Variants in OPCML observed in about 807,000 individuals in gnomAD.
OPCML encodes opioid binding protein/cell adhesion molecule like, also known as opioid-binding protein/cell adhesion molecule.
In OPCML, 13 loss-of-function variants were observed where a neutral mutation model predicts 37.8. That is an observed-to-expected ratio of 0.34 (90% CI 0.22 to 0.55). OPCML has a LOEUF of 0.55. Ranked by LOEUF, OPCML falls within the 20% of genes least tolerant of loss-of-function variation. The pLI is 0.91. For missense variants in OPCML, 341 were observed against 435.6 expected, an observed-to-expected ratio of 0.78 and a Z score of 1.93; for synonymous variants, 176 against 168.8, an observed-to-expected ratio of 1.04 and a Z score of -0.33.
intron 1 of OPCML, among the ~76,000 whole-genome samples, chr11:133,377,608 T>G (rs1475108411): frequency 4.8e-5 from 1 of 20,738 alleles, no homozygotes; most frequent in Non-Finnish European, 8.5e-5. Context: ...CGTGCCAGTA[T>G]TCAGAAAAAA....
intron 1 of OPCML, among the ~76,000 whole-genome samples, chr11:133,271,771 GCA>G (rs1941843442): frequency 1.3e-5 from 2 of 152,154 alleles, no homozygotes; most frequent in Non-Finnish European, 2.9e-5. Flanking sequence ...GCATAAAATT[GCA>G]CAGATAGGCA....
chr11:132,702,039 A>C (rs1251914735), intron 2 of OPCML, among the ~76,000 whole-genome samples: 1 of 152,204 alleles, frequency 6.6e-6, no homozygotes, highest in Non-Finnish European at 1.5e-5. Context: ...TATTATGGCT[A>C]TAATTATTTT....
chr11:133,442,761 G>GTGTC (rs1206592964), intron 1 of OPCML, among the ~76,000 whole-genome samples: 7 of 151,568 alleles, frequency 4.6e-5, no homozygotes, highest in Non-Finnish European at 1.0e-4. Flanking sequence ...GTGTGTGTGT[G>GTGTC]TGTGTCTTTT....
chr11:133,236,978 T>C (rs930607271), intron 1 of OPCML, among the ~76,000 whole-genome samples: 2 of 152,206 alleles, frequency 1.3e-5, no homozygotes, highest in East Asian at 1.9e-4. Context: ...GTACCCTTCC[T>C]GCAGGAAGTA....
chr11:132,929,261 T>C (rs1252281472), intron 2 of OPCML, among the ~76,000 whole-genome samples: 2 of 152,016 alleles, frequency 1.3e-5, no homozygotes, highest in Non-Finnish European at 2.9e-5. Context: ...AAAAAGGTCA[T>C]GGTATAACTA....
intron 1 of OPCML, among the ~76,000 whole-genome samples, chr11:133,162,075 A>G (rs1365050539): frequency 6.8e-6 from 1 of 147,482 alleles, no homozygotes; most frequent in African/African-American, 2.5e-5. Flanking sequence ...AAGGAGGGAC[A>G]GGGATTTTCT....
chr11:133,459,952 G>A (rs1196677099), intron 1 of OPCML, among the ~76,000 whole-genome samples: 1 of 151,960 alleles, frequency 6.6e-6, no homozygotes, highest in Non-Finnish European at 1.5e-5. Flanking sequence ...CACTCTTCAT[G>A]ATAACTCATG....
intron 1 of OPCML, among the ~76,000 whole-genome samples, chr11:132,981,687 C>T (rs1437593377): frequency 6.6e-6 from 1 of 152,182 alleles, no homozygotes; most frequent in Non-Finnish European, 1.5e-5. Context: ...CATCTTGGCT[C>T]ACATGGTGAT....
intron 2 of OPCML, among the ~76,000 whole-genome samples, chr11:132,834,217 C>T (rs1239110451): frequency 3.3e-5 from 5 of 152,104 alleles, no homozygotes; most frequent in African/African-American, 4.8e-5. Context: ...AGCCAAAATA[C>T]CTTTAAGGAC....
At chr11:132,937,668 G>T (rs1296537687) in intron 2 of OPCML, among the ~76,000 whole-genome samples, 1 of 150,708 alleles carries the variant, frequency 6.6e-6, no homozygotes. Context: ...CACCAATCAG[G>T]GATGTCAGAG....
At chr11:133,380,264 G>C (rs1462407342) in intron 1 of OPCML, among the ~76,000 whole-genome samples, 1 of 152,084 alleles carries the variant, frequency 6.6e-6, no homozygotes, top group Admixed American at 6.5e-5. Context: ...AGACCCAAAA[G>C]AATAAAGACA....
intron 1 of OPCML, among the ~76,000 whole-genome samples, chr11:132,972,286 G>A (rs111463190): frequency 1.3e-5 from 2 of 152,292 alleles, no homozygotes; most frequent in African/African-American, 4.8e-5. Flanking sequence ...CTACCCTCTT[G>A]ATGACTGGGC....
chr11:132,946,772 C>G (rs1044324383), intron 1 of OPCML, among the ~76,000 whole-genome samples: 1 of 152,174 alleles, frequency 6.6e-6, no homozygotes, highest in Non-Finnish European at 1.5e-5. Context: ...CAGGGAGCAG[C>G]CCCACAACCT....
At chr11:133,210,178 T>C (rs957961726) in intron 1 of OPCML, among the ~76,000 whole-genome samples, 10 of 152,278 alleles carry the variant, frequency 6.6e-5, no homozygotes, top group Admixed American at 6.5e-4. Flanking sequence ...AAAAATGAAG[T>C]CCATTTCCAA....
At chr11:132,887,213 C>T (rs1241744234) in intron 2 of OPCML, among the ~76,000 whole-genome samples, 1 of 152,226 alleles carries the variant, frequency 6.6e-6, no homozygotes, top group Non-Finnish European at 1.5e-5. Flanking sequence ...ACAGCTGCCT[C>T]CAGCACTCAG....
At chr11:133,456,719 C>A (rs781759498) in intron 1 of OPCML, among the ~76,000 whole-genome samples, 1 of 147,642 alleles carries the variant, frequency 6.8e-6, no homozygotes, top group African/African-American at 2.5e-5. Flanking sequence ...AACAAAGAGA[C>A]AAAAATTATA....
At chr11:132,873,980 A>G (rs1400470217) in intron 2 of OPCML, among the ~76,000 whole-genome samples, 1 of 152,174 alleles carries the variant, frequency 6.6e-6, no homozygotes, top group African/African-American at 2.4e-5. Flanking sequence ...AAAAATCAGT[A>G]GCTGAAGAAA....
intron 2 of OPCML, among the ~76,000 whole-genome samples, chr11:132,721,744 T>G (rs1944676460): frequency 6.6e-6 from 1 of 152,076 alleles, no homozygotes; most frequent in South Asian, 2.1e-4. Context: ...GAAACCGGAC[T>G]GCTGTTGACG....
chr11:133,077,081 C>T (rs976392222), intron 1 of OPCML, among the ~76,000 whole-genome samples: 1 of 152,052 alleles, frequency 6.6e-6, no homozygotes, highest in Non-Finnish European at 1.5e-5. Context: ...GAGAGTATCA[C>T]TCTTTCTGGG....
Sources: gnomAD v4.1 joint callset for allele counts (sites outside exome capture counted in the v4.1 genomes callset) on GRCh38, gnomAD v4.1.1 for gene constraint, MANE v1.5 for transcripts, NCBI Gene and HGNC (gene_info 2026-07-23, HGNC 2026-07-21) for gene names.